The following CSNK1G2 variants were observed in gnomAD, a reference collection of about 807,000 sequenced individuals.
CSNK1G2 encodes the protein casein kinase 1 gamma 2, also known as casein kinase I isoform gamma-2.
In CSNK1G2, 11 loss-of-function variants were observed where a neutral mutation model predicts 48.0. That is an observed-to-expected ratio of 0.23 (90% CI 0.14 to 0.38). CSNK1G2 has a LOEUF of 0.38. Ranked by LOEUF, CSNK1G2 falls within the 10% of genes least tolerant of loss-of-function variation. The probability of loss-of-function intolerance (pLI) is 1.00; values close to 1 mark genes in which losing one functional copy is unlikely to be tolerated. For missense variants in CSNK1G2, 446 were observed against 595.5 expected (o/e 0.75, Z 2.61); for synonymous variants, 337 against 254.1 (o/e 1.33, Z -3.10).
chr19:1,953,124 G>A (rs538890642), intron 1 of CSNK1G2: 47 of 386,126 alleles, frequency 1.2e-4, no homozygotes, highest in African/African-American at 9.0e-4. Flanking sequence ...GCAGGATTCC[G>A]ATGGGAGCCA....
At chr19:1,961,213 A>G (rs949242605) in intron 1 of CSNK1G2, among the ~76,000 whole-genome samples, 8 of 152,180 alleles carry the variant, frequency 5.3e-5, no homozygotes, top group Non-Finnish European at 1.2e-4. Context: ...TCTCGCTGTC[A>G]GGGGGCTGTT....
intron 1 of CSNK1G2, among the ~76,000 whole-genome samples, chr19:1,958,377 A>G (rs796805142): frequency 5.3e-5 from 8 of 152,012 alleles, no homozygotes; most frequent in African/African-American, 1.7e-4. Context: ...TTGGTGCACC[A>G]GGGCAGGAGA....
intron 1 of CSNK1G2, among the ~76,000 whole-genome samples, chr19:1,942,940 C>T (rs780628785): frequency 6.6e-6 from 1 of 152,132 alleles, no homozygotes; most frequent in Non-Finnish European, 1.5e-5. Flanking sequence ...TGTGCAGGTA[C>T]GCGCACGCCT....
intron 2 of CSNK1G2, among the ~76,000 whole-genome samples, chr19:1,971,506 C>T (rs1428387011): frequency 6.6e-6 from 1 of 152,270 alleles, no homozygotes; most frequent in African/African-American, 2.4e-5. Context: ...CACATGCAGA[C>T]ATGTACACAC....
rs2015822250 is a variant in CSNK1G2 at position 1,978,088 on chromosome 19, G to T, written c.188-217G>T. Among the ~76,000 whole-genome samples, 2 of 152,118 alleles carry T rather than the reference G, an allele frequency of 1.3e-5. No homozygotes were observed. The highest frequency in any genetic ancestry group is 2.9e-5 in the Non-Finnish European group (2 of 68,002). On this transcript the variant is annotated intron_variant, in intron 2 of 11. Transcript: ENST00000255641. This position sits in a 1 kb window ranked among gnomAD's most constrained non-coding sequence, Gnocchi z 7.3. ...AGGAGGAGTGGCAGACACTGAGGCG[G>T]TGACCACACGGGCAGGGTGCAGGTG...
At chr19:1,946,558 T>C (rs1178212291) in intron 1 of CSNK1G2, among the ~76,000 whole-genome samples, 1 of 150,302 alleles carries the variant, frequency 6.7e-6, no homozygotes, top group Non-Finnish European at 1.5e-5. Flanking sequence ...CCCAAAGTGC[T>C]GGGATTACAG....
At chr19:1,947,983 CCT>C (rs1380335824) in intron 1 of CSNK1G2, among the ~76,000 whole-genome samples, 1 of 152,004 alleles carries the variant, frequency 6.6e-6, no homozygotes, top group African/African-American at 2.4e-5. Context: ...CGGGCACTGG[CCT>C]CTCCTTCCTG....
chr19:1,961,359 G>T (rs2015193988), intron 1 of CSNK1G2, among the ~76,000 whole-genome samples: 1 of 152,252 alleles, frequency 6.6e-6, no homozygotes, highest in Non-Finnish European at 1.5e-5. Context: ...GAGGCGTTGG[G>T]TGGAGCTGCC....
At chr19:1,971,702 G>A (rs1031503553) in intron 2 of CSNK1G2, among the ~76,000 whole-genome samples, 27 of 152,118 alleles carry the variant, frequency 1.8e-4, no homozygotes, top group Non-Finnish European at 3.1e-4. Context: ...CTTGGGCGGC[G>A]GTTGCAGGCT....
intron 1 of CSNK1G2, among the ~76,000 whole-genome samples, chr19:1,947,020 C>T (rs773894535): frequency 5.9e-5 from 9 of 152,212 alleles, no homozygotes; most frequent in Non-Finnish European, 1.0e-4. Flanking sequence ...TCCCTCATAG[C>T]TGGGATTACA....
chr19:1,979,164 G>T lies in CSNK1G2; in HGVS notation c.684G>T (p.Glu228Asp). The change falls in exon 7 of 12, where the codon GAG becomes GAT. Residue 228 changes from glutamate to aspartate, a missense_variant and splice_region_variant. By Grantham distance (45) the Glu-to-Asp change is conservative. Transcript: ENST00000255641. ...GAGGCTGCGCCCCTGTCCCCGCAGA[G>T]CAGAGCCGCCGCGACGACCTGGAGG... Reference protein sequence around the residue: ...YMSINTHLGKEQSRRDDLEAL... With the variant: ...YMSINTHLGKDQSRRDDLEAL... The T allele has an allele frequency of 6.5e-7, 1 of 1,530,386 alleles. No individual in the cohort carries two copies. Among genetic ancestry groups the T allele is most frequent in the Non-Finnish European group, 8.8e-7 (1 of 1,138,012 alleles). The allele number at this position is 1,530,386 out of a possible 1,614,324, so 94.8% of individuals were successfully genotyped here.
intron 1 of CSNK1G2, among the ~76,000 whole-genome samples, chr19:1,963,589 C>A (rs2015271208): frequency 6.7e-6 from 1 of 148,954 alleles, no homozygotes; most frequent in African/African-American, 2.5e-5. Flanking sequence ...CTCACTGCAA[C>A]CTTCGCCTTG....
chr19:1,977,253 G>A (rs1040334927), intron 2 of CSNK1G2, among the ~76,000 whole-genome samples: 1 of 152,194 alleles, frequency 6.6e-6, no homozygotes, highest in Admixed American at 6.5e-5. Flanking sequence ...CATGCCTGTC[G>A]TCTGGCCCAG....
At chr19:1,951,931 C>T (rs1202369846) in intron 1 of CSNK1G2, among the ~76,000 whole-genome samples, 2 of 152,178 alleles carry the variant, frequency 1.3e-5, no homozygotes, top group Middle Eastern at 3.2e-3. Context: ...CCACCCGCCT[C>T]GGCCTTCCAA....
rs767032802 is a variant in CSNK1G2 at position 1,953,014 on chromosome 19, GA to G, written c.-266+11606del. 2,089 of 363,624 alleles carry G rather than the reference GA, an allele frequency of 5.7e-3. 32 individuals carry two copies. Among genetic ancestry groups the G allele is most frequent in the African/African-American group, 0.044 (1,898 of 43,520 alleles). The allele number at this position is 363,624 out of a possible 1,614,324, so 22.5% of individuals were successfully genotyped here. A position where few individuals can be genotyped will look rare whatever the true frequency, so the allele number is the denominator to read the frequency against. ...TGGGTGGCAGAGCGAGACTCCGTCT[GA>G]AAAAAAAAACAAAGGAAATGTAGAA... On this transcript the variant is annotated intron_variant, in intron 1 of 11. Coordinates refer to ENST00000255641, the MANE Select transcript of CSNK1G2 (RefSeq NM_001319.7).
chr19:1,970,198 T>C (rs947893378), intron 2 of CSNK1G2, among the ~76,000 whole-genome samples: 2 of 152,210 alleles, frequency 1.3e-5, no homozygotes, highest in Admixed American at 1.3e-4. Context: ...AACAGTTCTG[T>C]TGGGAGGCAG....
Position 1,978,781 on chromosome 19 carries a change from G to T in CSNK1G2, c.447+31G>T, listed in dbSNP as rs1329200672. ...CGGCGGGCGGGGCGGGGCGGGGCTC[G>T]GAGGGAAGAGGGTGGCCCTGGAGGG... On this transcript the variant is annotated intron_variant, in intron 5 of 11. Coordinates refer to ENST00000255641, the MANE Select transcript of CSNK1G2 (RefSeq NM_001319.7). The surrounding 1 kb of genome is among the most constrained non-coding windows in gnomAD (Gnocchi z 7.3). The T allele has an allele frequency of 1.3e-6, 2 of 1,571,496 alleles. No individual in the cohort carries two copies. Among genetic ancestry groups the T allele is most frequent in the East Asian group, 2.3e-5 (1 of 42,728 alleles).
At chr19:1,958,345 C>T (rs1411660697) in intron 1 of CSNK1G2, among the ~76,000 whole-genome samples, 2 of 152,002 alleles carry the variant, frequency 1.3e-5, no homozygotes. Context: ...TCTTGCAGGG[C>T]TCAGCAGTGG....
At chr19:1,952,543 C>T (rs2145511315) in intron 1 of CSNK1G2, 1 of 154,354 alleles carries the variant, frequency 6.5e-6, no homozygotes, top group East Asian at 1.9e-4. Context: ...AGGATGGTCT[C>T]AAACTCCTGA....
Sources: allele counts gnomAD v4.1 joint callset (sites outside exome capture counted in the v4.1 genomes callset), GRCh38; gene constraint gnomAD v4.1.1; non-coding constraint Gnocchi (gnomAD v3.1); transcripts MANE v1.5; gene names NCBI Gene and HGNC (gene_info 2026-07-23, HGNC 2026-07-21).